The following ANKRD6 variants were observed in gnomAD, a reference collection of about 807,000 sequenced individuals.
ANKRD6 encodes ankyrin repeat domain-containing protein 6.
ANKRD6 carries 56 observed loss-of-function variants against 82.3 expected under a neutral mutation model. That is an observed-to-expected ratio of 0.68 (90% confidence interval 0.55 to 0.85). The LOEUF is 0.85. Among genes scored for constraint, ANKRD6 ranks in the 40% least tolerant of loss-of-function variants. The pLI is 0.00. For missense variants in ANKRD6, 852 were observed against 907.6 expected, an observed-to-expected ratio of 0.94 and a Z score of 0.79; for synonymous variants, 347 against 352.1, an observed-to-expected ratio of 0.99 and a Z score of 0.16.
chr6:89,604,143 A>G (rs1479433428), intron 4 of ANKRD6, among the ~76,000 whole-genome samples: 1 of 152,338 alleles, frequency 6.6e-6, no homozygotes, highest in South Asian at 2.1e-4. Flanking sequence ...CCTGGCTAAC[A>G]TGGTGAAACC....
At chr6:89,540,770 TAAGTC>T (rs905562546) in intron 1 of ANKRD6, among the ~76,000 whole-genome samples, 3 of 152,232 alleles carry the variant, frequency 2.0e-5, no homozygotes, top group African/African-American at 7.2e-5. Flanking sequence ...GTATTAGATT[TAAGTC>T]TTTAATCCAT....
chr6:89,488,049 A>G (rs1379190569), intron 1 of ANKRD6, among the ~76,000 whole-genome samples: 1 of 152,214 alleles, frequency 6.6e-6, no homozygotes, highest in Non-Finnish European at 1.5e-5. Flanking sequence ...GTCCTGGCCC[A>G]GGATGCTTGT....
intron 1 of ANKRD6, among the ~76,000 whole-genome samples, chr6:89,486,401 C>T (rs1314107335): frequency 6.6e-6 from 1 of 152,024 alleles, no homozygotes; most frequent in Admixed American, 6.6e-5. Context: ...CTATGATGTT[C>T]TCACATGACA....
intron 1 of ANKRD6, among the ~76,000 whole-genome samples, chr6:89,475,173 A>C (rs1775895269): frequency 6.6e-6 from 1 of 152,212 alleles, no homozygotes; most frequent in African/African-American, 2.4e-5. Flanking sequence ...GCAGCACCCA[A>C]AACGCTCTAT....
intron 1 of ANKRD6, among the ~76,000 whole-genome samples, chr6:89,486,701 C>T (rs185541235): frequency 5.3e-5 from 8 of 152,156 alleles, no homozygotes; most frequent in South Asian, 2.1e-4. Flanking sequence ...CTCAAACTCC[C>T]GGGCTCAAGC....
At chr6:89,553,170 A>T (rs1447982949) in intron 1 of ANKRD6, among the ~76,000 whole-genome samples, 1 of 152,214 alleles carries the variant, frequency 6.6e-6, no homozygotes, top group African/African-American at 2.4e-5. Context: ...CATCAGATGG[A>T]TATCATTTCA....
At chr6:89,598,141 A>T (rs1247415565) in intron 3 of ANKRD6, 12 of 985,150 alleles carry the variant, frequency 1.2e-5, no homozygotes, top group Non-Finnish European at 1.4e-5. Flanking sequence ...TTGAAGAATG[A>T]CCTCCAGTGG....
intron 1 of ANKRD6, among the ~76,000 whole-genome samples, chr6:89,550,665 G>T (rs1191483446): frequency 6.6e-6 from 1 of 152,120 alleles, no homozygotes; most frequent in Non-Finnish European, 1.5e-5. Flanking sequence ...ATTTTTTAAA[G>T]AATGAGTAGG....
At chr6:89,543,180 T>C (rs1784634368) in intron 1 of ANKRD6, among the ~76,000 whole-genome samples, 1 of 152,076 alleles carries the variant, frequency 6.6e-6, no homozygotes, top group Non-Finnish European at 1.5e-5. Context: ...TAAAGGAAAA[T>C]ATACTACTTT....
chr6:89,534,323 A>G (rs1433600037), intron 1 of ANKRD6, among the ~76,000 whole-genome samples: 2 of 152,206 alleles, frequency 1.3e-5, no homozygotes, highest in Admixed American at 1.3e-4. Context: ...ATTAGGTGTA[A>G]AGCCTATAAT....
At chr6:89,527,022 C>A (rs905660624) in intron 1 of ANKRD6, among the ~76,000 whole-genome samples, 4 of 152,208 alleles carry the variant, frequency 2.6e-5, no homozygotes, top group Admixed American at 1.3e-4. Flanking sequence ...CCAGAAACAT[C>A]CTTGCACACA....
At position 89,613,883 on chromosome 6, in the gene ANKRD6, A is replaced by G; in HGVS notation, c.608A>G (p.Lys203Arg). 6.2e-7 allele frequency: 1 copy of G among 1,613,904 alleles called. No individual in the cohort carries two copies. Among genetic ancestry groups the G allele is most frequent in the Non-Finnish European group, 8.5e-7 (1 of 1,179,854 alleles). ...LLTAFCSVHEKNQAGDTALHV... is the reference protein window; with the variant it reads ...LLTAFCSVHERNQAGDTALHV... ...ACTGCTTTCTGTTCTGTCCATGAAA[A>G]GAACCAGGTCAGTGCATGTATTCTC... Residue 203 changes from lysine (K) to arginine (R), a missense_variant, in exon 7 of 16, where the codon AAG becomes AGG. By Grantham distance (26) the Lys-to-Arg change is conservative. Coordinates refer to ENST00000339746, the MANE Select transcript of ANKRD6 (RefSeq NM_001242809.2).
chr6:89,578,690 G>C (rs1292328091), intron 2 of ANKRD6, among the ~76,000 whole-genome samples: 1 of 152,142 alleles, frequency 6.6e-6, no homozygotes, highest in Non-Finnish European at 1.5e-5. Flanking sequence ...AATATGTGTT[G>C]AGTGCCTGCA....
Position 89,630,920 on chromosome 6 carries a change from A to G in ANKRD6, c.2100A>G (p.Gln700=). ...ARSQANQKAQ[Q]DKATLKEHIK... is the part of the protein sequence containing the mutation. ...GCCAAGCCAATCAGAAAGCCCAGCAAGATAAGGCTACATTGAAGGAACACA... is the reference window on the plus strand; with the variant it reads ...GCCAAGCCAATCAGAAAGCCCAGCAGGATAAGGCTACATTGAAGGAACACA... The change falls in exon 16 of 16, where the codon CAA becomes CAG. Residue 700 remains glutamine (Q), a synonymous_variant. Coordinates refer to ENST00000339746, the MANE Select transcript of ANKRD6 (RefSeq NM_001242809.2). 2 of 1,611,242 alleles carry G rather than the reference A, an allele frequency of 1.2e-6. No individual in the cohort carries two copies. The highest frequency in any genetic ancestry group is 1.1e-5 in the South Asian group (1 of 90,602).
chr6:89,545,212 CAAAAAAAAA>C (rs754348482), intron 1 of ANKRD6, among the ~76,000 whole-genome samples: 4 of 86,370 alleles, frequency 4.6e-5, no homozygotes, highest in Non-Finnish European at 6.7e-5. Flanking sequence ...GACTCCATCT[CAAAAAAAAA>C]AAAAAAAAAG....
chr6:89,607,460 T>G (rs1289061272), intron 5 of ANKRD6, among the ~76,000 whole-genome samples: 1 of 152,150 alleles, frequency 6.6e-6, no homozygotes, highest in African/African-American at 2.4e-5. Context: ...CAAAGAGATA[T>G]AAGATCATAT....
chr6:89,592,765 G>A (rs546474481), intron 2 of ANKRD6, among the ~76,000 whole-genome samples: 3 of 152,242 alleles, frequency 2.0e-5, no homozygotes, highest in Admixed American at 1.3e-4. Context: ...GGGACCCCAA[G>A]CACAGCAGGA....
chr6:89,518,261 G>A (rs1428894224), intron 1 of ANKRD6, among the ~76,000 whole-genome samples: 1 of 152,182 alleles, frequency 6.6e-6, no homozygotes, highest in Admixed American at 6.5e-5. Context: ...AATTAGCTGG[G>A]CGTGGTGGCG....
intron 1 of ANKRD6, among the ~76,000 whole-genome samples, chr6:89,566,499 C>T (rs1247732741): frequency 6.6e-6 from 1 of 152,158 alleles, no homozygotes; most frequent in Non-Finnish European, 1.5e-5. Flanking sequence ...CTGCCAAAGG[C>T]GGTGTGTAAA....
Sources: gnomAD v4.1 joint callset for allele counts (sites outside exome capture counted in the v4.1 genomes callset) on GRCh38, gnomAD v4.1.1 for gene constraint, MANE v1.5 for transcripts, NCBI Gene and HGNC (gene_info 2026-07-23, HGNC 2026-07-21) for gene names.